The following LRMDA variants were observed in gnomAD, a reference collection of about 807,000 sequenced individuals.
The protein encoded by LRMDA is leucine rich melanocyte differentiation associated.
In LRMDA, 18 loss-of-function variants were observed where a neutral mutation model predicts 29.8. That is an observed-to-expected ratio of 0.60 (90% CI 0.42 to 0.90). The LOEUF is 0.90. Among genes scored for constraint, LRMDA ranks in the 40% least tolerant of loss-of-function variants. The pLI, the probability that LRMDA is intolerant of heterozygous loss-of-function variation, is 0.00. For missense variants in LRMDA, 273 were observed against 273.9 expected (o/e 1.00, Z 0.02); for synonymous variants, 125 against 109.4 (o/e 1.14, Z -0.89).
chr10:76,241,363 T>TAATGTTTGAGCATAG (rs1852275032), intron 5 of LRMDA, among the ~76,000 whole-genome samples: 1 of 152,196 alleles, frequency 6.6e-6, no homozygotes, highest in Non-Finnish European at 1.5e-5. Flanking sequence ...CCAACCAACC[T>TAATGTTTGAGCATAG]TTTACCTAAT....
chr10:76,122,905 C>T (rs1490051610), intron 5 of LRMDA, among the ~76,000 whole-genome samples: 1 of 152,126 alleles, frequency 6.6e-6, no homozygotes, highest in African/African-American at 2.4e-5. Flanking sequence ...CTCTTTAGCT[C>T]TAAGTTCCTT....
intron 5 of LRMDA, among the ~76,000 whole-genome samples, chr10:76,153,513 C>G (rs1850484562): frequency 6.6e-6 from 1 of 152,014 alleles, no homozygotes; most frequent in Non-Finnish European, 1.5e-5. Context: ...AGGGTGGGTC[C>G]AAATGTAGTC....
chr10:75,803,975 A>G (rs1843802025), intron 2 of LRMDA, among the ~76,000 whole-genome samples: 2 of 152,172 alleles, frequency 1.3e-5, no homozygotes, highest in African/African-American at 2.4e-5. Context: ...GCCTTTGTGG[A>G]GTGCCCAGGC....
At chr10:76,293,922 A>G (rs1194987567) in intron 5 of LRMDA, among the ~76,000 whole-genome samples, 5 of 152,210 alleles carry the variant, frequency 3.3e-5, no homozygotes, top group Admixed American at 2.6e-4. Flanking sequence ...TCACATTCAT[A>G]TTCTCCATTA....
chr10:76,229,851 T>C (rs1286933739), intron 5 of LRMDA, among the ~76,000 whole-genome samples: 1 of 152,114 alleles, frequency 6.6e-6, no homozygotes, highest in Non-Finnish European at 1.5e-5. Flanking sequence ...GCATGCTCCT[T>C]TGAGCCATTT....
At chr10:75,502,426 A>AT (rs5786178) in intron 2 of LRMDA, among the ~76,000 whole-genome samples, 39,972 of 148,422 alleles carry the variant, frequency 0.27, 5,351 homozygotes, top group Non-Finnish European at 0.29. Flanking sequence ...TGCCTTTTAG[A>AT]TTTTTTTTTT....
intron 2 of LRMDA, among the ~76,000 whole-genome samples, chr10:76,033,121 G>A (rs565142820): frequency 7.9e-5 from 12 of 151,692 alleles, no homozygotes; most frequent in Non-Finnish European, 1.6e-4. Context: ...GTGTATTGTC[G>A]TCCACGTGTC....
At chr10:75,811,562 A>G (rs1843960786) in intron 2 of LRMDA, among the ~76,000 whole-genome samples, 1 of 152,228 alleles carries the variant, frequency 6.6e-6, no homozygotes, top group African/African-American at 2.4e-5. Flanking sequence ...GAGGGCACTG[A>G]GATCCAGAGA....
chr10:75,692,268 AATATATACACAAGTATATAC>A (rs1842174170), intron 2 of LRMDA, among the ~76,000 whole-genome samples: 2 of 127,408 alleles, frequency 1.6e-5, no homozygotes, highest in Admixed American at 1.5e-4. Context: ...ATTTTATATA[AATATATACACAAGTATATAC>A]ATATATACAC....
intron 2 of LRMDA, among the ~76,000 whole-genome samples, chr10:75,663,865 C>A (rs1430332): frequency 6.6e-6 from 1 of 152,050 alleles, no homozygotes; most frequent in South Asian, 2.1e-4. Context: ...GGTTCCATGG[C>A]GAGGACTGCT....
At chr10:75,480,706 T>C (rs1431427484) in intron 2 of LRMDA, among the ~76,000 whole-genome samples, 1 of 152,236 alleles carries the variant, frequency 6.6e-6, no homozygotes. Flanking sequence ...GTCATGTTTG[T>C]ACTTTAGAAA....
intron 2 of LRMDA, among the ~76,000 whole-genome samples, chr10:76,008,713 G>C (rs1459847313): frequency 6.6e-6 from 1 of 152,242 alleles, no homozygotes; most frequent in Non-Finnish European, 1.5e-5. Flanking sequence ...CCCTGCCTCT[G>C]AAGATGGAAG....
intron 5 of LRMDA, among the ~76,000 whole-genome samples, chr10:76,180,477 C>T (rs1851027493): frequency 6.6e-6 from 1 of 151,820 alleles, no homozygotes; most frequent in Admixed American, 6.6e-5. Flanking sequence ...GATGGGGTTT[C>T]ACCATGTTGG....
At chr10:75,453,603 C>T (rs944552043) in intron 2 of LRMDA, among the ~76,000 whole-genome samples, 1 of 152,164 alleles carries the variant, frequency 6.6e-6, no homozygotes, top group Admixed American at 6.5e-5. Context: ...TTTTGAGGTG[C>T]TTTGTTCCTC....
intron 2 of LRMDA, among the ~76,000 whole-genome samples, chr10:75,610,449 C>T (rs1053981527): frequency 6.6e-6 from 1 of 151,954 alleles, no homozygotes; most frequent in Non-Finnish European, 1.5e-5. Flanking sequence ...ACAGCACTCC[C>T]TGACACCACA....
At chr10:75,431,885 C>A in intron 1 of LRMDA, 131 bp downstream of exon 1, 1 of 923,488 alleles carries the variant, frequency 1.1e-6, no homozygotes, top group Non-Finnish European at 1.4e-6. Flanking sequence ...AGGGGGTGAG[C>A]TTCAGGTGCT....
intron 5 of LRMDA, among the ~76,000 whole-genome samples, chr10:76,183,108 C>T (rs895080119): frequency 1.3e-5 from 2 of 152,144 alleles, no homozygotes; most frequent in Non-Finnish European, 2.9e-5. Context: ...TGGATGCTGT[C>T]CATGGAAGTA....
At chr10:76,124,915 T>A (rs907996118) in intron 5 of LRMDA, among the ~76,000 whole-genome samples, 1 of 152,232 alleles carries the variant, frequency 6.6e-6, no homozygotes, top group Non-Finnish European at 1.5e-5. Flanking sequence ...CCCATCATTT[T>A]TGTCTCAAAA....
intron 6 of LRMDA, among the ~76,000 whole-genome samples, chr10:76,540,417 G>T (rs1843340982): frequency 6.6e-6 from 1 of 152,148 alleles, no homozygotes; most frequent in Non-Finnish European, 1.5e-5. Context: ...CTTTCACAAA[G>T]CCTCTAAAAT....
Sources: gnomAD v4.1 joint callset for allele counts (sites outside exome capture counted in the v4.1 genomes callset) on GRCh38, gnomAD v4.1.1 for gene constraint, MANE v1.5 for transcripts, NCBI Gene and HGNC (gene_info 2026-07-23, HGNC 2026-07-21) for gene names.